The following GASK1B variants were observed in gnomAD, a reference collection of about 807,000 sequenced individuals.
GASK1B encodes the protein Golgi-associated kinase 1B.
Under a neutral mutation model 42.8 loss-of-function variants are expected in GASK1B, and 34 were observed. The ratio of observed to expected loss-of-function variants is 0.79; its 90% confidence interval spans 0.60 to 1.06. The LOEUF is 1.06. GASK1B is among the 50% of genes least tolerant of loss of function. The probability of loss-of-function intolerance (pLI) is 0.00; values close to 1 mark genes in which losing one functional copy is unlikely to be tolerated. For synonymous variants in GASK1B, 262 were observed against 259.1 expected (o/e 1.01, Z -0.11); for missense variants, 686 against 661.0 (o/e 1.04, Z -0.42).
At chr4:158,158,461 A>T (rs943350165) in intron 2 of GASK1B, among the ~76,000 whole-genome samples, 2 of 152,128 alleles carry the variant, frequency 1.3e-5, no homozygotes, top group African/African-American at 2.4e-5. Context: ...ACCAGGAGAA[A>T]GAGGCAAAAA....
At chr4:158,148,313 C>T (rs535977790) in intron 3 of GASK1B, among the ~76,000 whole-genome samples, 1 of 152,178 alleles carries the variant, frequency 6.6e-6, no homozygotes, top group Non-Finnish European at 1.5e-5. Context: ...ACAAGATTAG[C>T]AAAAATATTA....
chr4:158,156,471 ATGT>A (rs1179673039), intron 2 of GASK1B, among the ~76,000 whole-genome samples: 4 of 152,192 alleles, frequency 2.6e-5, no homozygotes, highest in African/African-American at 7.2e-5. Context: ...ATTTAAGCAA[ATGT>A]CAGTTTTTCA....
intron 3 of GASK1B, among the ~76,000 whole-genome samples, chr4:158,133,895 ATGTGTG>A (rs143535648): frequency 5.3e-5 from 8 of 151,060 alleles, no homozygotes; most frequent in African/African-American, 7.3e-5. Flanking sequence ...TGATGGGCAT[ATGTGTG>A]TGTGTGTGTG....
At chr4:158,138,989 C>T (rs1465961510) in intron 3 of GASK1B, among the ~76,000 whole-genome samples, 2 of 152,220 alleles carry the variant, frequency 1.3e-5, no homozygotes, top group East Asian at 1.9e-4. Context: ...AATAACCTTG[C>T]TAAAATATTT....
At chr4:158,164,184 G>A (rs1158103695) in intron 2 of GASK1B, among the ~76,000 whole-genome samples, 2 of 152,192 alleles carry the variant, frequency 1.3e-5, no homozygotes, top group African/African-American at 2.4e-5. Context: ...GTTCACTGAT[G>A]CAGCCCCAGT....
chr4:158,165,235 G>T (rs913598395), intron 2 of GASK1B, among the ~76,000 whole-genome samples: 2 of 152,210 alleles, frequency 1.3e-5, no homozygotes, highest in Non-Finnish European at 1.5e-5. Flanking sequence ...CTAAATCAAA[G>T]ATCACAGAAC....
intron 3 of GASK1B, among the ~76,000 whole-genome samples, chr4:158,145,714 T>C (rs1392306408): frequency 6.6e-6 from 1 of 152,228 alleles, no homozygotes; most frequent in Non-Finnish European, 1.5e-5. Flanking sequence ...CTAGATTGTA[T>C]AACTCCTGAG....
intron 3 of GASK1B, among the ~76,000 whole-genome samples, chr4:158,138,060 A>G (rs7671934): frequency 0.88 from 133,911 of 152,132 alleles, 60,175 homozygotes; most frequent in East Asian, 0.98. Context: ...TTAATAAATG[A>G]CACGTAATGA....
At chr4:158,133,814 T>C (rs896216348) in intron 3 of GASK1B, among the ~76,000 whole-genome samples, 1 of 152,230 alleles carries the variant, frequency 6.6e-6, no homozygotes, top group Non-Finnish European at 1.5e-5. Context: ...TGAAAACAGG[T>C]GTGTGCATTC....
intron 3 of GASK1B, among the ~76,000 whole-genome samples, chr4:158,141,314 C>T (rs1731106145): frequency 6.6e-6 from 1 of 151,740 alleles, no homozygotes; most frequent in African/African-American, 2.4e-5. Context: ...ATGTTCATTA[C>T]AGAGGCATAG....
intron 4 of GASK1B, among the ~76,000 whole-genome samples, chr4:158,129,695 G>A (rs1730602086): frequency 6.6e-6 from 1 of 152,112 alleles, no homozygotes; most frequent in South Asian, 2.1e-4. Flanking sequence ...GGAAGACTTG[G>A]GTTCTAACCT....
chr4:158,142,402 A>AAC lies in GASK1B; in HGVS notation c.1126-11392_1126-11391dup, dbSNP rs530714848. On this transcript the variant is annotated intron_variant, in intron 3 of 4. Coordinates refer to ENST00000585682, the MANE Select transcript of GASK1B (RefSeq NM_001128424.2). ...ATCAACAGTGGATAGACCAAACTAC[A>AAC]ACACACACACACCTTATGAGGAACC... Among the ~76,000 whole-genome samples the AAC allele has an allele frequency of 4.5e-3, 679 of 152,218 alleles. 2 individuals carry two copies. The highest frequency in any genetic ancestry group is 7.5e-3 in the Non-Finnish European group (509 of 67,998).
intron 3 of GASK1B, among the ~76,000 whole-genome samples, chr4:158,151,851 G>A (rs1731570097): frequency 6.6e-6 from 1 of 152,210 alleles, no homozygotes; most frequent in Non-Finnish European, 1.5e-5. Flanking sequence ...AAGATGCAAA[G>A]TATTGTTCCT....
chr4:158,135,520 A>G (rs1260289574), intron 3 of GASK1B, among the ~76,000 whole-genome samples: 1 of 151,998 alleles, frequency 6.6e-6, no homozygotes, highest in Non-Finnish European at 1.5e-5. Flanking sequence ...TGATACCAAT[A>G]GTCTCATTTG....
At chr4:158,148,099 A>G (rs531464094) in intron 3 of GASK1B, among the ~76,000 whole-genome samples, 1 of 152,230 alleles carries the variant, frequency 6.6e-6, no homozygotes, top group East Asian at 1.9e-4. Flanking sequence ...CTGTTGTCCC[A>G]GTTACTCAGG....
chr4:158,139,978 T>G (rs1731052326), intron 3 of GASK1B, among the ~76,000 whole-genome samples: 1 of 152,182 alleles, frequency 6.6e-6, no homozygotes, highest in Non-Finnish European at 1.5e-5. Context: ...TTAATAGATT[T>G]TCATTGCTTC....
intron 2 of GASK1B, among the ~76,000 whole-genome samples, chr4:158,163,676 CATT>C (rs1210111931): frequency 8.5e-5 from 13 of 152,058 alleles, no homozygotes; most frequent in African/African-American, 3.1e-4. Context: ...ATGTTATCAT[CATT>C]GTTTTTATTG....
chr4:158,163,367 G>A (rs1011022431), intron 2 of GASK1B, among the ~76,000 whole-genome samples: 2 of 152,172 alleles, frequency 1.3e-5, no homozygotes, highest in South Asian at 4.1e-4. Context: ...TCAGGAGTTT[G>A]AGACCAGCCT....
At chr4:158,136,927 C>A (rs557755828) in intron 3 of GASK1B, among the ~76,000 whole-genome samples, 9 of 152,236 alleles carry the variant, frequency 5.9e-5, no homozygotes, top group Admixed American at 5.9e-4. Context: ...TTGAATGAAC[C>A]CTGCTGAAAG....
Sources: allele counts gnomAD v4.1 joint callset (sites outside exome capture counted in the v4.1 genomes callset), GRCh38; gene constraint gnomAD v4.1.1; transcripts MANE v1.5; gene names NCBI Gene and HGNC (gene_info 2026-07-23, HGNC 2026-07-21).